The following GRID2 variants were observed in gnomAD, a reference collection of about 807,000 sequenced individuals.
GRID2 encodes glutamate ionotropic receptor delta type subunit 2.
Under a neutral mutation model 114.8 loss-of-function variants are expected in GRID2, and 33 were observed. The observed-to-expected ratio is 0.29, with a 90% CI of 0.22 to 0.38. The LOEUF (loss-of-function observed/expected upper bound fraction) is 0.38, where lower values mean the gene tolerates loss of function less well. Ranked by LOEUF, GRID2 falls within the 10% of genes least tolerant of loss-of-function variation. The pLI is 1.00. For missense variants in GRID2, 1,184 were observed against 1,257.7 expected (o/e 0.94, Z 0.89); for synonymous variants, 505 against 449.9 (o/e 1.12, Z -1.55).
Position 92,887,481 on chromosome 4 carries a change from C to T in GRID2, c.245-197514C>T, listed in dbSNP as rs571644011. Reference sequence around the variant, plus strand: ...ACTTATGTGCAGAAATCATTTGTGTCATGTTCATTGTGTCACTCATTGTGC... The same window carrying T: ...ACTTATGTGCAGAAATCATTTGTGTTATGTTCATTGTGTCACTCATTGTGC... On this transcript the variant is annotated intron_variant, in intron 2 of 15. Coordinates refer to ENST00000282020, the MANE Select transcript of GRID2 (RefSeq NM_001510.4). Among the ~76,000 whole-genome samples the T allele has an allele frequency of 2.0e-5, 3 of 152,260 alleles. No homozygotes were observed. In the East Asian group the frequency reaches 5.8e-4, roughly 29 times the overall value.
intron 2 of GRID2, among the ~76,000 whole-genome samples, chr4:92,669,077 T>C (rs1444372034): frequency 1.3e-5 from 2 of 151,868 alleles, no homozygotes; most frequent in Non-Finnish European, 2.9e-5. Flanking sequence ...AAAATTAAAA[T>C]TTACCTCTCC....
intron 2 of GRID2, among the ~76,000 whole-genome samples, chr4:92,753,605 G>C (rs567188263): frequency 6.6e-6 from 1 of 152,290 alleles, no homozygotes; most frequent in South Asian, 2.1e-4. Context: ...CTCAGTCTGA[G>C]TCAGAACAAG....
intron 2 of GRID2, among the ~76,000 whole-genome samples, chr4:92,718,425 A>G (rs1046598092): frequency 1.3e-5 from 2 of 152,092 alleles, no homozygotes; most frequent in African/African-American, 4.8e-5. Context: ...AATTTTAAAT[A>G]TAGTTTATTT....
chr4:93,103,850 T>G (rs1188258944), intron 3 of GRID2, among the ~76,000 whole-genome samples: 1 of 151,464 alleles, frequency 6.6e-6, no homozygotes, highest in Non-Finnish European at 1.5e-5. Flanking sequence ...GTTTTTTTTT[T>G]TTGTTTGTTT....
chr4:93,324,638 A>G (rs937112376), intron 8 of GRID2, among the ~76,000 whole-genome samples: 1 of 152,162 alleles, frequency 6.6e-6, no homozygotes, highest in African/African-American at 2.4e-5. Flanking sequence ...TACCTCTGGT[A>G]GCATTCGGCT....
intron 2 of GRID2, among the ~76,000 whole-genome samples, chr4:93,061,539 C>T (rs1177022947): frequency 2.0e-5 from 3 of 151,948 alleles, no homozygotes; most frequent in Admixed American, 1.3e-4. Flanking sequence ...AGGGTATTGA[C>T]GTACAATTCT....
intron 2 of GRID2, among the ~76,000 whole-genome samples, chr4:92,606,203 G>A (rs1729442374): frequency 6.6e-6 from 1 of 151,934 alleles, no homozygotes; most frequent in South Asian, 2.1e-4. Context: ...AGCCTCATTT[G>A]ATAAAGCCAA....
chr4:93,416,689 A>G (rs887737696), intron 9 of GRID2, among the ~76,000 whole-genome samples: 1 of 152,144 alleles, frequency 6.6e-6, no homozygotes, highest in Admixed American at 6.6e-5. Flanking sequence ...AATTAACGGC[A>G]AAATCTGCAA....
chr4:92,609,360 C>G (rs912673073), intron 2 of GRID2, among the ~76,000 whole-genome samples: 4 of 151,320 alleles, frequency 2.6e-5, no homozygotes, highest in African/African-American at 9.7e-5. Context: ...AACACAATAT[C>G]TTGCTCTCTG....
At chr4:93,046,073 A>C (rs1726107962) in intron 2 of GRID2, among the ~76,000 whole-genome samples, 1 of 152,122 alleles carries the variant, frequency 6.6e-6, no homozygotes, top group African/African-American at 2.4e-5. Context: ...ATATAAGGTC[A>C]TTAATAGAAA....
chr4:93,401,259 T>C (rs1346433645), intron 9 of GRID2, among the ~76,000 whole-genome samples: 5 of 152,050 alleles, frequency 3.3e-5, no homozygotes, highest in African/African-American at 1.2e-4. Flanking sequence ...AATATATAAA[T>C]TGAATTCATA....
Position 93,320,591 on chromosome 4 carries a change from A to G in GRID2, c.1246-75016A>G, listed in dbSNP as rs570792035. On this transcript the variant is annotated intron_variant, in intron 8 of 15. Coordinates refer to ENST00000282020, the MANE Select transcript of GRID2 (RefSeq NM_001510.4). ...ATTCACAGATATCTAAGGACTATCT[A>G]TGGACTAAAGCTATGCTAGAAGGTA... 3.9e-5 allele frequency among the ~76,000 whole-genome samples: 6 copies of G among 152,232 alleles called. No homozygotes were observed. In the East Asian group the frequency reaches 9.7e-4, roughly 25 times the overall value.
At chr4:92,606,144 G>T (rs570636413) in intron 2 of GRID2, among the ~76,000 whole-genome samples, 5 of 143,252 alleles carry the variant, frequency 3.5e-5, no homozygotes, top group African/African-American at 1.0e-4. Context: ...TCCTAAGAAA[G>T]AAACCTCATT....
chr4:92,592,467 C>A lies in GRID2; in HGVS notation c.244+2181C>A, dbSNP rs1036760137. 2.6e-5 allele frequency among the ~76,000 whole-genome samples: 4 copies of A among 152,036 alleles called. No homozygotes were observed. The East Asian group carries it at 7.7e-4, about 29-fold the overall frequency. On this transcript the variant is annotated intron_variant, in intron 2 of 15. Coordinates refer to ENST00000282020, the MANE Select transcript of GRID2 (RefSeq NM_001510.4). ...AAAAGTAATGACAGTTTTTTAAATA[C>A]TACACCTTTTTTTTTGTTTCAACAT...
At chr4:93,564,768 C>T (rs778658922) in intron 13 of GRID2, among the ~76,000 whole-genome samples, 16 of 151,752 alleles carry the variant, frequency 1.1e-4, no homozygotes, top group Non-Finnish European at 1.8e-4. Context: ...AAAATAAAAG[C>T]AGGGAGAGAA....
In GRID2 at chr4:92,923,635, C is replaced by T. The variant is rs562092418; in HGVS notation, c.245-161360C>T. Among the ~76,000 whole-genome samples, 54 of 152,154 alleles carry T rather than the reference C, an allele frequency of 3.5e-4. No homozygotes were observed. In the South Asian group the frequency reaches 8.5e-3, roughly 24 times the overall value. Reference sequence around the variant, plus strand: ...AAAATATACCAGGAAAGATAAACTGCGACGTAACTGGGGAGTAGATACATT... The same window carrying T: ...AAAATATACCAGGAAAGATAAACTGTGACGTAACTGGGGAGTAGATACATT... On this transcript the variant is annotated intron_variant, in intron 2 of 15. Coordinates refer to ENST00000282020, the MANE Select transcript of GRID2 (RefSeq NM_001510.4).
chr4:92,420,463 A>G (rs1375555714), intron 1 of GRID2, among the ~76,000 whole-genome samples: 3 of 152,150 alleles, frequency 2.0e-5, no homozygotes, highest in African/African-American at 7.2e-5. Flanking sequence ...AGCATATTTT[A>G]AATATAATAA....
chr4:92,427,555 GC>G (rs2110334760), intron 1 of GRID2, among the ~76,000 whole-genome samples: 1 of 152,182 alleles, frequency 6.6e-6, no homozygotes, highest in Admixed American at 6.5e-5. Context: ...CTTCTATTTT[GC>G]CTTATTATAA....
chr4:92,455,277 C>G (rs1721149336), intron 1 of GRID2, among the ~76,000 whole-genome samples: 1 of 152,138 alleles, frequency 6.6e-6, no homozygotes, highest in African/African-American at 2.4e-5. Context: ...TACTCAGTTA[C>G]TAAGTGCCGG....
Sources: allele counts gnomAD v4.1 joint callset (sites outside exome capture counted in the v4.1 genomes callset), GRCh38; gene constraint gnomAD v4.1.1; transcripts MANE v1.5; gene names NCBI Gene and HGNC (gene_info 2026-07-23, HGNC 2026-07-21).